Variants in FOXN3 observed in about 807,000 individuals in gnomAD.
FOXN3 encodes the protein forkhead box N3.
A neutral mutation model predicts 38.4 loss-of-function variants in FOXN3; 7 were observed. The ratio of observed to expected loss-of-function variants is 0.18; its 90% confidence interval spans 0.10 to 0.34. The LOEUF (loss-of-function observed/expected upper bound fraction) is 0.34, where lower values mean the gene tolerates loss of function less well. Among genes scored for constraint, FOXN3 ranks in the 10% least tolerant of loss-of-function variants. FOXN3 has a pLI of 1.00. For synonymous variants in FOXN3, 230 were observed against 242.2 expected, an observed-to-expected ratio of 0.95 and a Z score of 0.47; for missense variants, 456 against 613.4, an observed-to-expected ratio of 0.74 and a Z score of 2.71.
intron 2 of FOXN3, among the ~76,000 whole-genome samples, chr14:89,381,751 T>C (rs945265347): frequency 2.0e-5 from 3 of 151,546 alleles, no homozygotes; most frequent in Admixed American, 6.6e-5. Context: ...TCCCAGCTAC[T>C]CAGGAGGCTG....
intron 2 of FOXN3, among the ~76,000 whole-genome samples, chr14:89,409,881 G>C (rs1596258231): frequency 1.3e-5 from 2 of 152,322 alleles, no homozygotes; most frequent in South Asian, 2.1e-4. Context: ...GAAGGAGAAA[G>C]AGCTTCATGG....
chr14:89,167,559 T>C (rs1307969869), intron 5 of FOXN3, among the ~76,000 whole-genome samples: 2 of 152,096 alleles, frequency 1.3e-5, no homozygotes, highest in African/African-American at 4.8e-5. Context: ...CTTTTGAAAA[T>C]CAACTGCAAG....
At chr14:89,558,252 T>C (rs557465160) in intron 1 of FOXN3, among the ~76,000 whole-genome samples, 97 of 152,110 alleles carry the variant, frequency 6.4e-4, no homozygotes, top group African/African-American at 2.3e-3. Flanking sequence ...GCACAAAAGG[T>C]AGGGTAGCAA....
At chr14:89,495,342 G>A (rs1424237673) in intron 1 of FOXN3, among the ~76,000 whole-genome samples, 2 of 152,234 alleles carry the variant, frequency 1.3e-5, no homozygotes, top group African/African-American at 4.8e-5. Context: ...AATTAGCCTA[G>A]AAAAGATGAG....
chr14:89,506,362 C>T (rs7494018), intron 1 of FOXN3, among the ~76,000 whole-genome samples: 1,461 of 127,564 alleles, frequency 0.011, 27 homozygotes, highest in African/African-American at 0.042. Context: ...CCGCCCCGTC[C>T]GGGAGGTGAG....
At chr14:89,299,238 G>A (rs1887144378) in intron 3 of FOXN3, among the ~76,000 whole-genome samples, 1 of 152,194 alleles carries the variant, frequency 6.6e-6, no homozygotes, top group Non-Finnish European at 1.5e-5. Flanking sequence ...TTGAATCATG[G>A]GGGCGGTTTC....
intron 2 of FOXN3, among the ~76,000 whole-genome samples, chr14:89,408,327 G>A (rs1252230453): frequency 6.6e-6 from 1 of 151,204 alleles, no homozygotes; most frequent in Non-Finnish European, 1.5e-5. Context: ...GCTGTATCTC[G>A]GCTCACTGCA....
At chr14:89,485,857 C>T (rs572219118) in intron 1 of FOXN3, among the ~76,000 whole-genome samples, 6 of 152,272 alleles carry the variant, frequency 3.9e-5, no homozygotes, top group Middle Eastern at 3.4e-3. Context: ...TCCTGTCTTC[C>T]CCTCAAGGCT....
intron 4 of FOXN3, chr14:89,230,975 T>C (rs1353885287): frequency 4.8e-6 from 2 of 416,670 alleles, no homozygotes; most frequent in African/African-American, 2.0e-5. Context: ...GAGTAGCACA[T>C]AGCCACTAGC....
At chr14:89,456,366 C>T (rs1892726214) in intron 1 of FOXN3, among the ~76,000 whole-genome samples, 2 of 152,274 alleles carry the variant, frequency 1.3e-5, no homozygotes, top group South Asian at 2.1e-4. Flanking sequence ...AAAAGGGAGA[C>T]CTTGGCTCTG....
chr14:89,454,585 G>A (rs1892683486), intron 1 of FOXN3, among the ~76,000 whole-genome samples: 1 of 152,184 alleles, frequency 6.6e-6, no homozygotes, highest in Admixed American at 6.5e-5. Flanking sequence ...TGCCTCACTT[G>A]TAAAAGAGAA....
At chr14:89,424,870 T>C (rs1891989399) in intron 1 of FOXN3, among the ~76,000 whole-genome samples, 1 of 152,040 alleles carries the variant, frequency 6.6e-6, no homozygotes, top group South Asian at 2.1e-4. Context: ...AAGTTATTTT[T>C]ATTTTTCAGA....
chr14:89,439,878 T>C (rs12436007), intron 1 of FOXN3, among the ~76,000 whole-genome samples: 53,332 of 151,516 alleles, frequency 0.35, 9,866 homozygotes, highest in East Asian at 0.57. Context: ...ATGGTCTCAA[T>C]CTCCTGACGT....
At chr14:89,561,402 G>C (rs865882031) in intron 1 of FOXN3, among the ~76,000 whole-genome samples, 6 of 152,194 alleles carry the variant, frequency 3.9e-5, no homozygotes, top group Non-Finnish European at 7.3e-5. Context: ...AGTAGAGACA[G>C]GGTTTCACCA....
chr14:89,322,782 T>C (rs760980415), intron 3 of FOXN3, among the ~76,000 whole-genome samples: 1 of 151,960 alleles, frequency 6.6e-6, no homozygotes, highest in Non-Finnish European at 1.5e-5. Flanking sequence ...TGGGAGTCAA[T>C]GGCAGCTATC....
At chr14:89,355,433 C>T (rs956494344) in intron 2 of FOXN3, among the ~76,000 whole-genome samples, 12 of 151,460 alleles carry the variant, frequency 7.9e-5, no homozygotes, top group African/African-American at 2.9e-4. Flanking sequence ...GACGGGGTTT[C>T]GCCATATTGG....
rs1427103046 is a variant in FOXN3, at chr14:89,450,638, TGCAGTG to T, written c.-14-38154_-14-38149del. On this transcript the variant is annotated intron_variant, in intron 1 of 6. Coordinates refer to the FOXN3 transcript ENST00000345097. ...TCTCGCCCTGTCGCCCAGGCTGGAGTGCAGTGGCACAATCTCGGCTCACTGTAACAT... is the reference window on the plus strand; with the variant it reads ...TCTCGCCCTGTCGCCCAGGCTGGAGTGCACAATCTCGGCTCACTGTAACAT... Among the ~76,000 whole-genome samples, 40 of 150,990 alleles carry T rather than the reference TGCAGTG, an allele frequency of 2.6e-4. 1 individual carries two copies. Among genetic ancestry groups the T allele is most frequent in the Admixed American group, 6.6e-5 (1 of 15,076 alleles).
At chr14:89,578,026 C>T (rs1452863321) in intron 1 of FOXN3, among the ~76,000 whole-genome samples, 2 of 152,096 alleles carry the variant, frequency 1.3e-5, no homozygotes, top group Non-Finnish European at 2.9e-5. Flanking sequence ...TGCATGCTTT[C>T]GAAGAGAGGT....
At chr14:89,516,630 T>G (rs1044673637) in intron 1 of FOXN3, among the ~76,000 whole-genome samples, 2 of 147,528 alleles carry the variant, frequency 1.4e-5, no homozygotes, top group Admixed American at 6.9e-5. Flanking sequence ...GGCACAATCA[T>G]GGCTCACTGC....
Sources: gnomAD v4.1 joint callset for allele counts (sites outside exome capture counted in the v4.1 genomes callset) on GRCh38, gnomAD v4.1.1 for gene constraint, MANE v1.5 for transcripts, NCBI Gene and HGNC (gene_info 2026-07-23, HGNC 2026-07-21) for gene names.